Variants in LHFPL6 observed in about 807,000 individuals in gnomAD.
LHFPL6 encodes LHFPL tetraspan subfamily member 6 protein.
LHFPL6 carries 9 observed loss-of-function variants against 20.6 expected under a neutral mutation model. The observed-to-expected ratio is 0.44, with a 90% CI of 0.26 to 0.76. The LOEUF is 0.76. Ranked by LOEUF, LHFPL6 falls within the 30% of genes least tolerant of loss-of-function variation. The pLI is 0.20. For synonymous variants in LHFPL6, 105 were observed against 98.7 expected (o/e 1.06, Z -0.38); for missense variants, 218 against 253.5 (o/e 0.86, Z 0.95).
intron 3 of LHFPL6, among the ~76,000 whole-genome samples, chr13:39,346,060 T>C (rs1413266824): frequency 6.6e-6 from 1 of 152,144 alleles, no homozygotes; most frequent in Non-Finnish European, 1.5e-5. Context: ...ATTAATAACT[T>C]CCCTGCTGAA....
intron 2 of LHFPL6, among the ~76,000 whole-genome samples, chr13:39,583,169 CTTTT>C (rs34898470): frequency 1.8e-5 from 2 of 114,134 alleles, no homozygotes. Flanking sequence ...ATGCCAAATT[CTTTT>C]TTTTTTTTTT....
intron 3 of LHFPL6, among the ~76,000 whole-genome samples, chr13:39,359,754 A>C (rs757517983): frequency 1.3e-5 from 2 of 152,118 alleles, no homozygotes; most frequent in African/African-American, 2.4e-5. Flanking sequence ...ACAAACCTGC[A>C]CATGTACCCC....
rs142672374 is a variant in LHFPL6, at chr13:39,392,132, T to A, written c.386-13606A>T. ...ATTTAAATCACATCTGTCTTTAGTG[T>A]TTTTTAATATTAAAAGATATAAAAA... On this transcript the variant is annotated intron_variant, in intron 2 of 3. Transcript: ENST00000379589. Among the ~76,000 whole-genome samples the A allele has an allele frequency of 3.9e-3, 590 of 152,330 alleles. 3 individuals carry two copies. The highest frequency in any genetic ancestry group is 6.6e-3 in the Non-Finnish European group (447 of 68,034).
intron 2 of LHFPL6, among the ~76,000 whole-genome samples, chr13:39,390,715 C>A (rs1870685486): frequency 6.6e-6 from 1 of 152,126 alleles, no homozygotes; most frequent in African/African-American, 2.4e-5. Context: ...CAATCCAAGG[C>A]CGGGTGCAGA....
intron 3 of LHFPL6, among the ~76,000 whole-genome samples, chr13:39,375,255 T>C (rs1037852272): frequency 1.3e-5 from 2 of 152,246 alleles, no homozygotes; most frequent in African/African-American, 4.8e-5. Flanking sequence ...CATGACCTCA[T>C]GCTGCAGCCC....
intron 2 of LHFPL6, among the ~76,000 whole-genome samples, chr13:39,408,641 G>T (rs9576791): frequency 0.28 from 41,851 of 152,148 alleles, 6,092 homozygotes; most frequent in East Asian, 0.4. Context: ...ATTCCTTATT[G>T]TTGAACTGCT....
chr13:39,373,278 T>C (rs539999122), intron 3 of LHFPL6, among the ~76,000 whole-genome samples: 136 of 152,340 alleles, frequency 8.9e-4, no homozygotes, highest in African/African-American at 3.2e-3. Context: ...GACTGGTTTC[T>C]CTGCCCACTC....
chr13:39,565,296 G>A (rs1447410601), intron 2 of LHFPL6, among the ~76,000 whole-genome samples: 7 of 151,388 alleles, frequency 4.6e-5, no homozygotes, highest in Non-Finnish European at 7.4e-5. Flanking sequence ...AGTTCAAAGA[G>A]AACATCATTT....
intron 2 of LHFPL6, among the ~76,000 whole-genome samples, chr13:39,412,328 G>A (rs1232260606): frequency 2.6e-5 from 4 of 152,150 alleles, no homozygotes; most frequent in African/African-American, 9.7e-5. Context: ...GGAATTAGCA[G>A]ACAGAAATTT....
intron 2 of LHFPL6, among the ~76,000 whole-genome samples, chr13:39,436,680 T>G (rs1593312450): frequency 6.6e-6 from 1 of 152,366 alleles, no homozygotes; most frequent in East Asian, 1.9e-4. Flanking sequence ...AAATCATTGT[T>G]CTCTAAAATT....
chr13:39,362,849 G>A (rs932597141), intron 3 of LHFPL6, among the ~76,000 whole-genome samples: 7 of 152,166 alleles, frequency 4.6e-5, no homozygotes, highest in Non-Finnish European at 7.3e-5. Flanking sequence ...CAATGTTCCC[G>A]TGAGACAATT....
intron 2 of LHFPL6, among the ~76,000 whole-genome samples, chr13:39,397,729 G>A (rs890924059): frequency 2.6e-5 from 4 of 152,078 alleles, no homozygotes; most frequent in South Asian, 2.1e-4. Context: ...TGGGAGCTTC[G>A]GAAAGAAGCT....
intron 2 of LHFPL6, among the ~76,000 whole-genome samples, chr13:39,543,785 T>C (rs1276649923): frequency 2.6e-5 from 4 of 152,204 alleles, no homozygotes; most frequent in African/African-American, 9.7e-5. Flanking sequence ...AATCTACGAC[T>C]GTAGCCTAAA....
chr13:39,499,185 C>A (rs2138461821), intron 2 of LHFPL6, among the ~76,000 whole-genome samples: 1 of 152,298 alleles, frequency 6.6e-6, no homozygotes, highest in African/African-American at 2.4e-5. Context: ...AACTTCTTAA[C>A]CTCATGATGA....
chr13:39,410,722 A>T (rs1871224925), intron 2 of LHFPL6, among the ~76,000 whole-genome samples: 1 of 152,186 alleles, frequency 6.6e-6, no homozygotes, highest in African/African-American at 2.4e-5. Flanking sequence ...CTCCCAGAGG[A>T]CACCCCCACT....
intron 2 of LHFPL6, among the ~76,000 whole-genome samples, chr13:39,580,098 T>C (rs1236339376): frequency 6.6e-6 from 1 of 152,200 alleles, no homozygotes; most frequent in Admixed American, 6.5e-5. Context: ...TACTTTTAAT[T>C]GGTCTCAGTG....
At chr13:39,542,816 A>G (rs1394798663) in intron 2 of LHFPL6, among the ~76,000 whole-genome samples, 1 of 152,242 alleles carries the variant, frequency 6.6e-6, no homozygotes, top group African/African-American at 2.4e-5. Flanking sequence ...CATAATGATG[A>G]ACAGGACGTG....
intron 2 of LHFPL6, among the ~76,000 whole-genome samples, chr13:39,475,119 C>T (rs528471968): frequency 2.0e-4 from 30 of 152,140 alleles, no homozygotes; most frequent in African/African-American, 6.7e-4. Context: ...ACCACACAGC[C>T]GACAGACAGA....
intron 3 of LHFPL6, among the ~76,000 whole-genome samples, chr13:39,370,496 C>T (rs926226076): frequency 2.6e-5 from 4 of 152,206 alleles, no homozygotes; most frequent in Admixed American, 2.0e-4. Context: ...CATTTCAATG[C>T]ATGTTCAATA....
Sources: gnomAD v4.1 joint callset for allele counts (sites outside exome capture counted in the v4.1 genomes callset) on GRCh38, gnomAD v4.1.1 for gene constraint, MANE v1.5 for transcripts, NCBI Gene and HGNC (gene_info 2026-07-23, HGNC 2026-07-21) for gene names.